Variants in RNF220 observed in about 807,000 individuals in gnomAD.
RNF220 encodes E3 ubiquitin-protein ligase RNF220.
In RNF220, 7 loss-of-function variants were observed where a neutral mutation model predicts 67.1. The ratio of observed to expected loss-of-function variants is 0.10; its 90% CI spans 0.06 to 0.20. The LOEUF (loss-of-function observed/expected upper bound fraction) is 0.20. Ranked by LOEUF, RNF220 falls within the 10% of genes least tolerant of loss-of-function variation. The probability of loss-of-function intolerance (pLI) is 1.00; values close to 1 mark genes in which losing one functional copy is unlikely to be tolerated. For synonymous variants in RNF220, 270 were observed against 283.2 expected (o/e 0.95, Z 0.47); for missense variants, 565 against 740.3 (o/e 0.76, Z 2.75).
At chr1:44,442,329 G>A (rs141437620) in intron 2 of RNF220, among the ~76,000 whole-genome samples, 3,070 of 152,038 alleles carry the variant, frequency 0.02, 116 homozygotes, top group African/African-American at 0.069. Flanking sequence ...TTTTGGTAGA[G>A]ATGGGATTTC....
chr1:44,517,227 G>A (rs1659523081), intron 2 of RNF220, among the ~76,000 whole-genome samples: 1 of 152,104 alleles, frequency 6.6e-6, no homozygotes, highest in South Asian at 2.1e-4. Context: ...TGGCAGCTAA[G>A]GAATCTTTTT....
chr1:44,461,381 A>G lies in RNF220; in HGVS notation c.625+48659A>G, dbSNP rs546136956. 3.6e-4 allele frequency among the ~76,000 whole-genome samples: 55 copies of G among 152,326 alleles called. No individual in the cohort carries two copies. In the Middle Eastern group the frequency reaches 0.014, roughly 38 times the overall value. ...TTACATTTTTTCATGTTGCAAAAATAAAATACTTTAATCAAAATTAAGACT... is the reference window on the plus strand; with the variant it reads ...TTACATTTTTTCATGTTGCAAAAATGAAATACTTTAATCAAAATTAAGACT... On this transcript the variant is annotated intron_variant, in intron 2 of 14. Coordinates refer to ENST00000361799, the MANE Select transcript of RNF220 (RefSeq NM_018150.4).
At chr1:44,495,702 G>A (rs576647632) in intron 2 of RNF220, among the ~76,000 whole-genome samples, 1 of 152,302 alleles carries the variant, frequency 6.6e-6, no homozygotes, top group East Asian at 1.9e-4. Flanking sequence ...CCAAAGTGCT[G>A]GGATTACAGA....
chr1:44,597,448 C>T (rs1473442518), intron 2 of RNF220, among the ~76,000 whole-genome samples: 1 of 144,218 alleles, frequency 6.9e-6, no homozygotes, highest in African/African-American at 2.5e-5. Flanking sequence ...CATACACGCC[C>T]TTCTCTCTCT....
chr1:44,604,285 G>A (rs1025777469), intron 2 of RNF220, among the ~76,000 whole-genome samples: 1 of 152,202 alleles, frequency 6.6e-6, no homozygotes, highest in African/African-American at 2.4e-5. Flanking sequence ...CCAGAATCAG[G>A]CCCTTCACTG....
chr1:44,612,966 G>A (rs2148426053), intron 2 of RNF220, among the ~76,000 whole-genome samples: 1 of 152,310 alleles, frequency 6.6e-6, no homozygotes, highest in African/African-American at 2.4e-5. Flanking sequence ...TGCAGTCAGA[G>A]CATCCATGGA....
At chr1:44,420,895 T>C (rs755608582) in intron 2 of RNF220, among the ~76,000 whole-genome samples, 2 of 152,236 alleles carry the variant, frequency 1.3e-5, no homozygotes, top group Non-Finnish European at 2.9e-5. Flanking sequence ...AAGGACAATC[T>C]GGTGGTAAAA....
chr1:44,522,712 C>T (rs183960315), intron 2 of RNF220, among the ~76,000 whole-genome samples: 7 of 152,220 alleles, frequency 4.6e-5, no homozygotes, highest in Admixed American at 1.3e-4. Flanking sequence ...ATGCAATGCC[C>T]GGGGACCATC....
At chr1:44,574,133 G>C (rs364242) in intron 2 of RNF220, among the ~76,000 whole-genome samples, 1 of 152,100 alleles carries the variant, frequency 6.6e-6, no homozygotes, top group African/African-American at 2.4e-5. Flanking sequence ...GGATGGATGA[G>C]TGAATGAACG....
At position 44,558,790 on chromosome 1, in the gene RNF220, G is replaced by A. The variant is rs191493753; in HGVS notation, c.626-55375G>A. Among the ~76,000 whole-genome samples the A allele has an allele frequency of 9.7e-4, 147 of 152,314 alleles. 2 individuals carry two copies. The East Asian group carries it at 0.014, about 15-fold the overall frequency. ...CAACATATAGCAATCAACATGACAT[G>A]TTATAGCCCCGGTGAAAGAGATCAG... On this transcript the variant is annotated intron_variant, in intron 2 of 14. Coordinates refer to ENST00000361799, the MANE Select transcript of RNF220 (RefSeq NM_018150.4).
In RNF220 at chr1:44,594,383, C is replaced by T. The variant is rs557332097; in HGVS notation, c.626-19782C>T. 1.4e-4 allele frequency among the ~76,000 whole-genome samples: 21 copies of T among 152,276 alleles called. 1 individual carries two copies. The South Asian group carries it at 3.3e-3, about 24-fold the overall frequency. ...ACATGCTTCCTCCCAGCCTTCCCCACGTCCCAGGAAGTGGAGCCCATCGGG... is the reference window on the plus strand; with the variant it reads ...ACATGCTTCCTCCCAGCCTTCCCCATGTCCCAGGAAGTGGAGCCCATCGGG... On this transcript the variant is annotated intron_variant, in intron 2 of 14. Transcript: ENST00000361799.
intron 2 of RNF220, among the ~76,000 whole-genome samples, chr1:44,479,518 G>C (rs1557965571): frequency 6.6e-6 from 1 of 152,098 alleles, no homozygotes; most frequent in East Asian, 1.9e-4. Context: ...TAAGTACTGG[G>C]AATGTCAGGC....
intron 2 of RNF220, among the ~76,000 whole-genome samples, chr1:44,568,699 G>T (rs1427106768): frequency 1.3e-5 from 2 of 152,366 alleles, no homozygotes; most frequent in East Asian, 3.9e-4. Context: ...CAGGAGAGTG[G>T]CAGCCTGTTC....
intron 2 of RNF220, among the ~76,000 whole-genome samples, chr1:44,564,468 A>G (rs1001729709): frequency 2.0e-5 from 3 of 152,160 alleles, no homozygotes; most frequent in Admixed American, 6.5e-5. Context: ...AAGAACCACT[A>G]TTCTGGCCAG....
chr1:44,450,691 T>C (rs1045768294), intron 2 of RNF220, among the ~76,000 whole-genome samples: 2 of 152,260 alleles, frequency 1.3e-5, no homozygotes, highest in African/African-American at 4.8e-5. Context: ...ATTTTGGAAC[T>C]ACCACAATTT....
At chr1:44,632,467 C>G in intron 6 of RNF220, 82 bp downstream of exon 6, 1 of 1,219,954 alleles carries the variant, frequency 8.2e-7, no homozygotes, top group Non-Finnish European at 1.1e-6. Flanking sequence ...CCTGGCTTGC[C>G]TGGGTCTCTT....
intron 3 of RNF220, among the ~76,000 whole-genome samples, chr1:44,619,348 T>C (rs1027329116): frequency 2.0e-5 from 3 of 152,144 alleles, no homozygotes; most frequent in Non-Finnish European, 4.4e-5. Context: ...TGGGTGACTC[T>C]AGAGAAGAGG....
intron 2 of RNF220, among the ~76,000 whole-genome samples, chr1:44,480,821 G>A (rs563040245): frequency 6.6e-6 from 1 of 152,256 alleles, no homozygotes; most frequent in East Asian, 1.9e-4. Context: ...GGGAGGCAGA[G>A]GTTGCAGTGA....
chr1:44,628,932 A>G (rs1644034677), intron 5 of RNF220, among the ~76,000 whole-genome samples: 1 of 152,232 alleles, frequency 6.6e-6, no homozygotes, highest in Non-Finnish European at 1.5e-5. Flanking sequence ...TGTTTCCGTT[A>G]TCTACAAACC....
Sources: allele counts gnomAD v4.1 joint callset (sites outside exome capture counted in the v4.1 genomes callset), GRCh38; gene constraint gnomAD v4.1.1; transcripts MANE v1.5; gene names NCBI Gene and HGNC (gene_info 2026-07-23, HGNC 2026-07-21).